PKD1: variants seen among roughly 807,000 people sequenced by gnomAD.
PKD1 encodes polycystin-1.
PKD1 carries 81 observed loss-of-function variants against 361.7 expected under a neutral mutation model. That is an observed-to-expected ratio of 0.22 (90% CI 0.19 to 0.27). The LOEUF (loss-of-function observed/expected upper bound fraction) is 0.27. Ranked by LOEUF, PKD1 falls within the 10% of genes least tolerant of loss-of-function variation. The pLI, the probability that PKD1 is intolerant of heterozygous loss-of-function variation, is 1.00. For missense variants in PKD1, 6,399 were observed against 6,118.3 expected (o/e 1.05, Z -1.53); for synonymous variants, 3,615 against 2,818.3 (o/e 1.28, Z -8.95).
At position 2,091,753 on chromosome 16, in the gene PKD1, C is replaced by T. The variant is rs777380909; in HGVS notation, c.11537+28G>A. 5.0e-6 allele frequency: 8 copies of T among 1,608,138 alleles called. No homozygotes were observed. In the Admixed American group the frequency reaches 1.0e-4, roughly 20 times the overall value. On this transcript the variant is annotated intron_variant, in intron 41 of 45. Transcript: ENST00000262304. Reference sequence around the variant, plus strand: ...TCCTGGCTGGTGACTGCGGCCACCCCGGAGAGGGCAGGGGAGGGAGCTCCC... The same window carrying T: ...TCCTGGCTGGTGACTGCGGCCACCCTGGAGAGGGCAGGGGAGGGAGCTCCC...
In PKD1 at chr16:2,111,374, G is replaced by T; in HGVS notation, c.3793C>A (p.Leu1265Met). The change falls in exon 15 of 46, where the codon CTG (leucine) becomes ATG (methionine). Residue 1265 changes from leucine (L) to methionine (M), a missense_variant. Transcript: ENST00000262304. ...GPEATVEHVY[L>M]RAQNCTVTVG... is the part of the protein sequence containing the mutation. ...GTCACTGTGCAGTTCTGTGCCCGCAGGTACACATGCTCCACTGTTGCCTCC... is the reference window on the plus strand; with the variant it reads ...GTCACTGTGCAGTTCTGTGCCCGCATGTACACATGCTCCACTGTTGCCTCC... 1 of 1,611,156 alleles carries T rather than the reference G, an allele frequency of 6.2e-7. No homozygotes were observed. Among genetic ancestry groups the T allele is most frequent in the Non-Finnish European group, 8.5e-7 (1 of 1,179,508 alleles).
At position 2,091,488 on chromosome 16, in the gene PKD1, G is replaced by C; in HGVS notation, c.11647C>G (p.Leu3883Val). Residue 3883 changes from leucine (L) to valine (V), a missense_variant, in exon 42 of 46, where the codon CTC becomes GTC. Leu to Val is a conservative substitution (Grantham distance 32). Coordinates refer to ENST00000262304, the MANE Select transcript of PKD1 (RefSeq NM_001009944.3). ...FPAAGRALAA[L>V]SVRPFALRRL... ...CGCAGCGCAAAGGGGCGGACGCTGA[G>C]GGCGGCCAGGGCGCGGCCGGCCGCC... 7.2e-7 allele frequency: 1 copy of C among 1,390,884 alleles called. No homozygotes were observed. The allele number at this position is 1,390,884 out of a possible 1,614,324, so 86.2% of individuals were successfully genotyped here.
At position 2,106,176 on chromosome 16, in the gene PKD1, G is replaced by T; in HGVS notation, c.7618C>A (p.Pro2540Thr). 6.2e-7 allele frequency: 1 copy of T among 1,609,486 alleles called. No individual in the cohort carries two copies. Among genetic ancestry groups the T allele is most frequent in the East Asian group, 2.2e-5 (1 of 44,848 alleles). ...TCGAAGTGTGGCCTGAAACCCGGGG[G>T]CAGCACGGCTCCGTAGCTGGAGAGG... ...GSLSSYGAVL[P>T]PGFRPHFEVG... Residue 2540 changes from proline (P) to threonine (T), a missense_variant, in exon 19 of 46, where the codon CCC becomes ACC. Coordinates refer to ENST00000262304, the MANE Select transcript of PKD1 (RefSeq NM_001009944.3). The surrounding 1 kb of genome is among the most constrained non-coding windows in gnomAD (Gnocchi z 6.5).
At chr16:2,129,664 C>T (rs2092844758) in intron 1 of PKD1, among the ~76,000 whole-genome samples, 3 of 151,354 alleles carry the variant, frequency 2.0e-5, no homozygotes, top group Non-Finnish European at 4.4e-5. Flanking sequence ...GATGTCCCAC[C>T]TCAGTCTCCT....
In PKD1 at chr16:2,117,014, C is replaced by A. The variant is rs1422859580; in HGVS notation, c.1425G>T (p.Gly475=). 1.3e-6 allele frequency: 2 copies of A among 1,587,016 alleles called. No homozygotes were observed. Among genetic ancestry groups the A allele is most frequent in the Non-Finnish European group, 1.7e-6 (2 of 1,173,120 alleles). The change falls in exon 7 of 46, where the codon GGG becomes GGT. Residue 475 remains glycine, a synonymous_variant. Coordinates refer to ENST00000262304, the MANE Select transcript of PKD1 (RefSeq NM_001009944.3). ...CCTGCGGCGCTGGGCCCACCTCCAC[C>A]CCCTGCACAGTCGAGAAGCCGATCC... ...DVWIGFSTVQ[G]VEVGPAPQGE... is the part of the protein sequence containing the mutation.
chr16:2,124,987 G>A (rs973171010), intron 1 of PKD1, among the ~76,000 whole-genome samples: 3 of 152,168 alleles, frequency 2.0e-5, no homozygotes, highest in African/African-American at 7.2e-5. Context: ...GCAGGCCCAG[G>A]GTGAGGAAAT....
Position 2,135,772 on chromosome 16 carries a change from G to A in PKD1, c.-83C>T, listed in dbSNP as rs1237432649. 6.5e-6 allele frequency: 6 copies of A among 927,274 alleles called. No individual in the cohort carries two copies. Among genetic ancestry groups the A allele is most frequent in the Non-Finnish European group, 7.7e-6 (6 of 779,906 alleles). 57.4% of individuals were successfully genotyped at this position (927,274 alleles called of 1,614,324 possible). On this transcript the variant is annotated 5_prime_UTR_variant, in exon 1 of 46. Coordinates refer to ENST00000262304, the MANE Select transcript of PKD1 (RefSeq NM_001009944.3). Reference sequence around the variant, plus strand: ...CGCAGCTCAGGCGGGGCCCGCGGACGGCATGGCGGGCGCGGGGCTGGATGG... The same window carrying A: ...CGCAGCTCAGGCGGGGCCCGCGGACAGCATGGCGGGCGCGGGGCTGGATGG...
intron 1 of PKD1, among the ~76,000 whole-genome samples, chr16:2,125,364 C>T (rs2092783674): frequency 6.6e-6 from 1 of 152,220 alleles, no homozygotes; most frequent in East Asian, 1.9e-4. Flanking sequence ...CCCCAAGCAA[C>T]AGAGCCCTGC....
chr16:2,119,660 C>T (rs905509685), intron 1 of PKD1: 27 of 614,374 alleles, frequency 4.4e-5, no homozygotes, highest in East Asian at 1.6e-4. Flanking sequence ...AGGAAGGGCA[C>T]GGACCCCCAA....
chr16:2,102,008 C>T, intron 26 of PKD1, 53 bp downstream of exon 26: 2 of 1,179,182 alleles, frequency 1.7e-6, no homozygotes, highest in Admixed American at 4.0e-5. Flanking sequence ...AGGGTGCAAC[C>T]AGCACAGCCA....
Position 2,111,105 on chromosome 16 carries a change from C to T in PKD1, c.4062G>A (p.Thr1354=), listed in dbSNP as rs148110048. 1.5e-4 allele frequency: 238 copies of T among 1,610,740 alleles called. 1 individual carries two copies. The highest frequency in any genetic ancestry group is 2.2e-5 in the East Asian group (1 of 44,870). Residue 1354 remains threonine (T), a synonymous_variant, in exon 15 of 46, where the codon ACG becomes ACA. Transcript: ENST00000262304. ...TGGACAGCACCAGCGCCAGGGGGAA[C>T]GTGCCGCTCCGCGTGAAGTTGTGTG... ...TVTHNFTRSG[T]FPLALVLSSR...
At position 2,110,173 on chromosome 16, in the gene PKD1, C is replaced by G. The variant is rs2092463132; in HGVS notation, c.4994G>C (p.Ser1665Thr). ...GCCCCTGTCCCTCCAGGCAGTCCAG[C>G]TGTAGGAGACGTTGGTGCCATCCCT... ...VVRDGTNVSY[S>T]WTAWRDRGPA... The change falls in exon 15 of 46, where the codon AGC becomes ACC. Residue 1665 changes from serine (S) to threonine (T), a missense_variant. Physicochemically the swap from Ser to Thr is moderately conservative, Grantham distance 58. Coordinates refer to ENST00000262304, the MANE Select transcript of PKD1 (RefSeq NM_001009944.3). 1 of 1,610,788 alleles carries G rather than the reference C, an allele frequency of 6.2e-7. No individual in the cohort carries two copies. The highest frequency in any genetic ancestry group is 1.3e-5 in the African/African-American group (1 of 74,876).
intron 8 of PKD1, 96 bp downstream of exon 8, chr16:2,116,433 C>G: frequency 1.5e-6 from 1 of 688,564 alleles, no homozygotes. Flanking sequence ...ACATTAAGGC[C>G]CCCAAGTTTT....
chr16:2,127,683 C>T (rs1218224608), intron 1 of PKD1, among the ~76,000 whole-genome samples: 1 of 151,488 alleles, frequency 6.6e-6, no homozygotes, highest in African/African-American at 2.4e-5. Context: ...AGCCAGGTCA[C>T]TGCTACACTG....
In PKD1 at chr16:2,092,085, G is replaced by C; in HGVS notation, c.11373C>G (p.Gly3791=). Residue 3791 remains glycine (G), a synonymous_variant, in exon 40 of 46, where the codon GGC becomes GGG. Coordinates refer to ENST00000262304, the MANE Select transcript of PKD1 (RefSeq NM_001009944.3). ...YDVGWESPHN[G]SGTWAYSAPD... ...GCGCTGAATAGGCCCACGTCCCCGA[G>C]CCATTGTGAGGACTCTCCCAGCCAA... 1 of 1,612,866 alleles carries C rather than the reference G, an allele frequency of 6.2e-7. No homozygotes were observed. Among genetic ancestry groups the C allele is most frequent in the Non-Finnish European group, 8.5e-7 (1 of 1,179,992 alleles).
chr16:2,093,154 T>C (rs2091676201), intron 37 of PKD1, 61 bp from the exon 38 acceptor site: 3 of 1,590,466 alleles, frequency 1.9e-6, no homozygotes, highest in Admixed American at 1.7e-5. Context: ...AGCAGGGCTT[T>C]GGCAACGGCT....
At position 2,106,419 on chromosome 16, in the gene PKD1, T is replaced by C; in HGVS notation, c.7468A>G (p.Lys2490Glu). ...PLGAVHALTTKVHFECTGWHD... is the reference protein window; with the variant it reads ...PLGAVHALTTEVHFECTGWHD... ...TCACCCGTGCATTCGAAGTGCACCT[T>C]GGTGGTGAGGGCGTGCACAGCGCCC... The change falls in exon 18 of 46, where the codon AAG becomes GAG. Residue 2490 changes from lysine to glutamate, a missense_variant. Coordinates refer to ENST00000262304, the MANE Select transcript of PKD1 (RefSeq NM_001009944.3). This position sits in a 1 kb window ranked among gnomAD's most constrained non-coding sequence, Gnocchi z 6.5. 6.3e-7 allele frequency: 1 copy of C among 1,589,654 alleles called. No individual in the cohort carries two copies. The highest frequency in any genetic ancestry group is 1.3e-5 in the African/African-American group (1 of 74,548).
chr16:2,096,160 T>G (rs2091836924), intron 34 of PKD1, among the ~76,000 whole-genome samples: 2 of 152,232 alleles, frequency 1.3e-5, no homozygotes, highest in African/African-American at 4.8e-5. Flanking sequence ...AAATGCGTCA[T>G]TAGGTAATTC....
intron 30 of PKD1, 147 bp downstream of exon 30, chr16:2,099,497 G>C (rs546564158): frequency 2.8e-6 from 2 of 717,692 alleles, no homozygotes; most frequent in Admixed American, 4.0e-5. Flanking sequence ...GTCTAGCTAA[G>C]GCTGCTCAAG....
Sources: gnomAD v4.1 joint callset for allele counts (sites outside exome capture counted in the v4.1 genomes callset) on GRCh38, gnomAD v4.1.1 for gene constraint, Gnocchi (gnomAD v3.1) non-coding constraint, MANE v1.5 for transcripts, NCBI Gene and HGNC (gene_info 2026-07-23, HGNC 2026-07-21) for gene names.